Variants in TRIM66 observed in about 807,000 individuals in gnomAD.
TRIM66 encodes the protein tripartite motif-containing protein 66.
A neutral mutation model predicts 148.2 loss-of-function variants in TRIM66; 99 were observed. The ratio of observed to expected loss-of-function variants is 0.67; its 90% CI spans 0.57 to 0.79. The LOEUF (loss-of-function observed/expected upper bound fraction) is 0.79. Ranked by LOEUF, TRIM66 falls within the 30% of genes least tolerant of loss-of-function variation. The pLI is 0.00. For synonymous variants in TRIM66, 616 were observed against 635.9 expected (o/e 0.97, Z 0.47); for missense variants, 1,666 against 1,697.9 (o/e 0.98, Z 0.33).
At chr11:8,659,344 T>C (rs4291677) in intron 6 of TRIM66, among the ~76,000 whole-genome samples, 52,371 of 151,760 alleles carry the variant, frequency 0.35, 9,550 homozygotes, top group East Asian at 0.6. Context: ...TAGTTGAGCA[T>C]TAATGGGACC....
chr11:8,665,383 A>G (rs1212311444), intron 6 of TRIM66, among the ~76,000 whole-genome samples: 4 of 152,222 alleles, frequency 2.6e-5, no homozygotes, highest in Non-Finnish European at 5.9e-5. Flanking sequence ...TGGGCAACTG[A>G]TATCTGCCAG....
chr11:8,640,708 A>G lies in TRIM66; in HGVS notation c.1667T>C (p.Val556Ala). Reference protein sequence around the residue: ...RLGQQLTSQPVCIVPPQDVQQ... With the variant: ...RLGQQLTSQPACIVPPQDVQQ... ...AACATCCTGTGGGGGGACAATGCAC[A>G]CGGGCTGGGAAGTCAGCTGCTGCCC... The change falls in exon 14 of 25, where the codon GTG becomes GCG. Residue 556 changes from valine (V) to alanine (A), a missense_variant. Val to Ala is a moderately conservative substitution (Grantham distance 64, BLOSUM62 0). Around this residue, in one of 3 missense-constraint regions of TRIM66, gnomAD observed 1,431 missense variants for 1,412.4 expected, o/e 1.01. Transcript: ENST00000646038. 6.4e-7 allele frequency: 1 copy of G among 1,551,516 alleles called. No individual in the cohort carries two copies. The highest frequency in any genetic ancestry group is 1.2e-5 in the South Asian group (1 of 84,044).
At chr11:8,621,458 G>T (rs1049794354) in intron 19 of TRIM66, 137 bp from the exon 20 acceptor site, 2 of 1,337,608 alleles carry the variant, frequency 1.5e-6, no homozygotes, top group Non-Finnish European at 2.0e-6. Context: ...CAAGCCCCAT[G>T]AATGCTGGGA....
At chr11:8,622,926 AC>A in intron 17 of TRIM66, 50 bp from the exon 18 acceptor site, 1 of 1,476,144 alleles carries the variant, frequency 6.8e-7, no homozygotes, top group Non-Finnish European at 9.3e-7. Flanking sequence ...GTGGCAACAA[AC>A]CCCGTCATGC....
At chr11:8,668,026 A>C (rs1197192980) in intron 6 of TRIM66, among the ~76,000 whole-genome samples, 1 of 152,214 alleles carries the variant, frequency 6.6e-6, no homozygotes, top group East Asian at 1.9e-4. Flanking sequence ...TATTCCCTCC[A>C]ACAGTGCACA....
intron 12 of TRIM66, 130 bp downstream of exon 12, chr11:8,645,611 T>C: frequency 6.7e-6 from 7 of 1,052,378 alleles, no homozygotes; most frequent in African/African-American, 1.6e-5. Context: ...TGGATGGAGC[T>C]GCTATGTTAT....
rs1271956006 is a variant in TRIM66 at position 8,648,081 on chromosome 11, C to G, written c.731G>C (p.Arg244Thr). The change falls in exon 10 of 25, where the codon AGA becomes ACA. Residue 244 changes from arginine to threonine, a missense_variant. Physicochemically the swap from Arg to Thr is moderately conservative, Grantham distance 71. Around this residue, in one of 3 missense-constraint regions of TRIM66, gnomAD observed 1,431 missense variants for 1,412.4 expected, o/e 1.01. Transcript: ENST00000646038. ...GTTTTGCAAAACTTCTTCAACATGT[C>G]TGCACCTAGGGGATGAGGCAGAGAA... ...LVVEHKEHRCRHVEEVLQNQR... is the reference protein window; with the variant it reads ...LVVEHKEHRCTHVEEVLQNQR... 1.3e-6 allele frequency: 2 copies of G among 1,551,502 alleles called. No individual in the cohort carries two copies. The highest frequency in any genetic ancestry group is 1.7e-6 in the Non-Finnish European group (2 of 1,146,906).
At chr11:8,637,667 G>A (rs2036005677) in intron 15 of TRIM66, among the ~76,000 whole-genome samples, 1 of 152,234 alleles carries the variant, frequency 6.6e-6, no homozygotes, top group African/African-American at 2.4e-5. Flanking sequence ...GGTACACTGA[G>A]CAACCAGCAT....
At position 8,648,406 on chromosome 11, in the gene TRIM66, T is replaced by C; in HGVS notation, c.725+10A>G. 6.4e-7 allele frequency: 1 copy of C among 1,550,982 alleles called. No individual in the cohort carries two copies. The highest frequency in any genetic ancestry group is 8.7e-7 in the Non-Finnish European group (1 of 1,146,850). ...TCCCCAGCCCATTTCAGGCAGTCTGTCAGCCCCACCTGTGTTCTTTGTGTT... is the reference window on the plus strand; with the variant it reads ...TCCCCAGCCCATTTCAGGCAGTCTGCCAGCCCCACCTGTGTTCTTTGTGTT... On this transcript the variant is annotated intron_variant, in intron 9 of 24. Coordinates refer to ENST00000646038, the MANE Select transcript of TRIM66 (RefSeq NM_001388022.1).
intron 9 of TRIM66, among the ~76,000 whole-genome samples, 155 bp from the exon 10 acceptor site, chr11:8,648,241 C>T (rs1228593411): frequency 6.6e-6 from 1 of 152,216 alleles, no homozygotes; most frequent in Non-Finnish European, 1.5e-5. Context: ...GCTCTTGGCC[C>T]ATTAGGCCTT....
At chr11:8,628,612 C>CAAAAAAAAAAAAAAAAA (rs750649249) in intron 15 of TRIM66, among the ~76,000 whole-genome samples, 5 of 80,666 alleles carry the variant, frequency 6.2e-5, no homozygotes, top group Non-Finnish European at 7.8e-5. Flanking sequence ...GACCCTGTCT[C>CAAAAAAAAAAAAAAAAA]AAAAAAAAAA....
intron 6 of TRIM66, 147 bp downstream of exon 6, chr11:8,671,639 C>G (rs966370752): frequency 6.6e-6 from 4 of 603,218 alleles, no homozygotes; most frequent in African/African-American, 5.5e-5. Flanking sequence ...CTCTGTCTCA[C>G]AGATTCCCCC....
rs546648933 is a variant in TRIM66 at position 8,640,200 on chromosome 11, T to C, written c.2148+27A>G. On this transcript the variant is annotated intron_variant, in intron 14 of 24. Transcript: ENST00000646038. The stretch of plus-strand genomic sequence containing the variant: ...GAGTGATCCTACGATGGGCAGAATA[T>C]GCACGCCAAGCCACCCTGACGCTTA... 24 of 1,543,620 alleles carry C rather than the reference T, an allele frequency of 1.6e-5. No individual in the cohort carries two copies. In the South Asian group the frequency reaches 2.8e-4, roughly 18 times the overall value.
At chr11:8,682,880 TG>T, upstream of TRIM66, 1 of 1,555,446 alleles carries the variant, frequency 6.4e-7, no homozygotes, top group Non-Finnish European at 8.7e-7. Flanking sequence ...GTATTCCCAT[TG>T]CCCCTAGTCA....
At chr11:8,649,576 C>G (rs1413742502) in intron 8 of TRIM66, among the ~76,000 whole-genome samples, 164 bp downstream of exon 8, 2 of 152,292 alleles carry the variant, frequency 1.3e-5, no homozygotes, top group African/African-American at 4.8e-5. Flanking sequence ...GAGAGTGAGT[C>G]ACCCCTTTGA....
At chr11:8,682,842 C>T (rs957798008), upstream of TRIM66, 7 of 1,608,970 alleles carry the variant, frequency 4.4e-6, no homozygotes, top group African/African-American at 1.3e-5. Context: ...CTTGCCTCCT[C>T]TTCCTTGCCG....
In TRIM66 at chr11:8,620,051, AG is replaced by A; in HGVS notation, c.3745del (p.Leu1249TrpfsTer72). 6.4e-7 allele frequency: 1 copy of A among 1,551,684 alleles called. No homozygotes were observed. Among genetic ancestry groups the A allele is most frequent in the African/African-American group, 1.4e-5 (1 of 73,168 alleles). On this transcript the variant is annotated frameshift_variant and splice_region_variant, in exon 22 of 25. Transcript: ENST00000646038. LOFTEE classifies it high-confidence loss of function. Reference sequence around the variant, plus strand: ...AGAGAACAGCGTGGCCTTCCTTACCAGGGGGCTGACAGGTTCATGGAAGGGC... The same window carrying A: ...AGAGAACAGCGTGGCCTTCCTTACCAGGGGCTGACAGGTTCATGGAAGGGC... ...SLPFHEPVSP[L>X]ARHYYQIIKR... is the part of the protein sequence containing the mutation.
intron 17 of TRIM66, among the ~76,000 whole-genome samples, chr11:8,623,209 C>A (rs558026770): frequency 6.6e-6 from 1 of 152,326 alleles, no homozygotes; most frequent in African/African-American, 2.4e-5. Context: ...CCAGTGTTGC[C>A]TCCTCTGAGG....
intron 15 of TRIM66, 140 bp from the exon 16 acceptor site, chr11:8,625,368 G>A: frequency 9.0e-7 from 1 of 1,109,918 alleles, no homozygotes; most frequent in Non-Finnish European, 1.2e-6. Context: ...GTAGCTGCCA[G>A]GAACTCAGGC....
Sources: allele counts gnomAD v4.1 joint callset (sites outside exome capture counted in the v4.1 genomes callset), GRCh38; gene constraint gnomAD v4.1.1; regional missense constraint gnomAD v4.1.1; transcripts MANE v1.5; gene names NCBI Gene and HGNC (gene_info 2026-07-23, HGNC 2026-07-21).